Variants in HMCN1 observed in about 807,000 individuals in gnomAD.
HMCN1 encodes hemicentin-1.
In HMCN1, 321 loss-of-function variants were observed where a neutral mutation model predicts 625.9. The ratio of observed to expected loss-of-function variants is 0.51; its 90% CI spans 0.47 to 0.56. The LOEUF is 0.56. HMCN1 is among the 20% of genes least tolerant of loss of function. The pLI is 0.00. For missense variants in HMCN1, 6,588 were observed against 6,887.3 expected (o/e 0.96, Z 1.54); for synonymous variants, 2,425 against 2,417.6 (o/e 1.00, Z -0.09).
At chr1:186,126,259 A>ATG (rs1343662661) in intron 82 of HMCN1, among the ~76,000 whole-genome samples, 6 of 151,922 alleles carry the variant, frequency 3.9e-5, no homozygotes, top group Admixed American at 2.0e-4. Context: ...ATATTCATAT[A>ATG]TATTCATATT....
chr1:186,012,071 C>A (rs1654035885), intron 30 of HMCN1, among the ~76,000 whole-genome samples: 1 of 152,142 alleles, frequency 6.6e-6, no homozygotes, highest in Non-Finnish European at 1.5e-5. Context: ...TGATGTTTAA[C>A]TATATGAGAG....
chr1:186,147,065 C>T (rs1650358783), intron 93 of HMCN1, among the ~76,000 whole-genome samples: 1 of 152,182 alleles, frequency 6.6e-6, no homozygotes, highest in East Asian at 1.9e-4. Context: ...CCTACCGGGC[C>T]TTGACTGGCT....
intron 66 of HMCN1, among the ~76,000 whole-genome samples, chr1:186,093,994 G>T (rs1342610226): frequency 1.3e-5 from 2 of 152,026 alleles, no homozygotes; most frequent in Non-Finnish European, 2.9e-5. Flanking sequence ...CTATGATAAT[G>T]TGATTTTCAT....
At chr1:185,894,008 C>G (rs112309722) in intron 4 of HMCN1, among the ~76,000 whole-genome samples, 9,620 of 151,648 alleles carry the variant, frequency 0.063, 1,065 homozygotes, top group African/African-American at 0.22. Flanking sequence ...AGTGGCGGGC[C>G]CCTGTAGTCC....
chr1:186,062,633 C>A, intron 48 of HMCN1, 33 bp downstream of exon 48: 3 of 1,376,892 alleles, frequency 2.2e-6, no homozygotes, highest in Non-Finnish European at 3.1e-6. Context: ...TTTGGTGCTC[C>A]CCCCACTCAC....
At chr1:185,862,396 G>A (rs922262887) in intron 2 of HMCN1, among the ~76,000 whole-genome samples, 2 of 152,098 alleles carry the variant, frequency 1.3e-5, no homozygotes, top group African/African-American at 2.4e-5. Flanking sequence ...TATGGAAGTC[G>A]AATGAATGAC....
At chr1:186,160,168 A>T (rs1651347306) in intron 97 of HMCN1, among the ~76,000 whole-genome samples, 1 of 150,324 alleles carries the variant, frequency 6.7e-6, no homozygotes, top group South Asian at 2.1e-4. Flanking sequence ...TGTGTCCAGG[A>T]ATTTATCCAT....
chr1:186,150,850 C>A lies in HMCN1; in HGVS notation c.14609-350C>A, dbSNP rs1284789714. 3.3e-5 allele frequency among the ~76,000 whole-genome samples: 5 copies of A among 151,846 alleles called. No homozygotes were observed. In the East Asian group the frequency reaches 9.7e-4, roughly 29 times the overall value. ...TTAACACATACTAGATGTTTACCAT[C>A]ATGCATGACATGCTCAATAAACTCT... is the stretch of plus-strand genomic sequence containing the variant. On this transcript the variant is annotated intron_variant, in intron 93 of 106. Coordinates refer to ENST00000271588, the MANE Select transcript of HMCN1 (RefSeq NM_031935.3).
At chr1:185,870,415 T>C (rs948399169) in intron 4 of HMCN1, among the ~76,000 whole-genome samples, 2 of 152,184 alleles carry the variant, frequency 1.3e-5, no homozygotes, top group African/African-American at 2.4e-5. Context: ...ATAATTCGCT[T>C]GTCCTGAGCT....
rs186240646 is a variant in HMCN1, at chr1:186,179,561, T to C, written c.16294+795T>C. Among the ~76,000 whole-genome samples, 158 of 152,244 alleles carry C rather than the reference T, an allele frequency of 1.0e-3. No homozygotes were observed. The Middle Eastern group carries it at 0.017, about 16-fold the overall frequency. ...GCAAGCAGGAATTAGTTTTACTATTTGTTAGCTGGAAAAAATAAGCAAAGA... is the reference window on the plus strand; with the variant it reads ...GCAAGCAGGAATTAGTTTTACTATTCGTTAGCTGGAAAAAATAAGCAAAGA... On this transcript the variant is annotated intron_variant, in intron 104 of 106. Coordinates refer to ENST00000271588, the MANE Select transcript of HMCN1 (RefSeq NM_031935.3).
intron 30 of HMCN1, among the ~76,000 whole-genome samples, chr1:186,012,283 A>G (rs1203509536): frequency 6.6e-6 from 1 of 152,070 alleles, no homozygotes; most frequent in Non-Finnish European, 1.5e-5. Flanking sequence ...CAAATCTTAA[A>G]AGATTCTGCT....
At chr1:185,909,530 A>G (rs376553029) in intron 5 of HMCN1, 22 bp downstream of exon 5, 118 of 1,596,984 alleles carry the variant, frequency 7.4e-5, no homozygotes, top group Non-Finnish European at 9.7e-5. Context: ...CAAACATCAC[A>G]TAATAAAATA....
chr1:186,163,705 T>TA (rs1651679861), intron 97 of HMCN1, among the ~76,000 whole-genome samples: 2 of 152,212 alleles, frequency 1.3e-5, no homozygotes, highest in East Asian at 3.8e-4. Flanking sequence ...AAAGCTTAGA[T>TA]AATTATAGAT....
chr1:185,963,698 G>A, intron 12 of HMCN1, 70 bp from the exon 13 acceptor site: 3 of 1,143,962 alleles, frequency 2.6e-6, no homozygotes, highest in Non-Finnish European at 4.0e-6. Flanking sequence ...TTAAAGGAAA[G>A]CACTATATTA....
intron 71 of HMCN1, among the ~76,000 whole-genome samples, chr1:186,110,827 T>C (rs1660838684): frequency 2.0e-5 from 3 of 151,044 alleles, no homozygotes. Flanking sequence ...ATACCCAAGG[T>C]GGGGGAAGGG....
intron 2 of HMCN1, among the ~76,000 whole-genome samples, 187 bp from the exon 3 acceptor site, chr1:185,864,282 TA>T (rs1184704572): frequency 1.3e-5 from 2 of 152,242 alleles, no homozygotes; most frequent in Non-Finnish European, 2.9e-5. Flanking sequence ...AACTTATCCT[TA>T]AGTACACATT....
At chr1:185,735,899 C>G (rs1370287515) in intron 1 of HMCN1, among the ~76,000 whole-genome samples, 1 of 152,188 alleles carries the variant, frequency 6.6e-6, no homozygotes, top group African/African-American at 2.4e-5. Context: ...TAATGTCCAC[C>G]TGAGTTTCAT....
chr1:185,887,922 C>T (rs71634148), intron 4 of HMCN1, among the ~76,000 whole-genome samples: 184 of 144,248 alleles, frequency 1.3e-3, no homozygotes, highest in Middle Eastern at 7.1e-3. Context: ...ACAGTCCCAG[C>T]AACAGTGTAA....
At chr1:186,015,513 C>T in intron 31 of HMCN1, 76 bp downstream of exon 31, 1 of 1,365,238 alleles carries the variant, frequency 7.3e-7, no homozygotes, top group Admixed American at 1.7e-5. Flanking sequence ...AATTTATTCA[C>T]TAATAGTCCT....
Sources: allele counts gnomAD v4.1 joint callset (sites outside exome capture counted in the v4.1 genomes callset), GRCh38; gene constraint gnomAD v4.1.1; transcripts MANE v1.5; gene names NCBI Gene and HGNC (gene_info 2026-07-23, HGNC 2026-07-21).